Variants in FAM133B observed in about 807,000 individuals in gnomAD.
FAM133B encodes protein FAM133B.
FAM133B carries 25 observed loss-of-function variants against 46.4 expected under a neutral mutation model. The observed-to-expected ratio is 0.54, with a 90% CI of 0.39 to 0.75. The LOEUF (loss-of-function observed/expected upper bound fraction) is 0.75. FAM133B is among the 30% of genes least tolerant of loss of function. The pLI, the probability that FAM133B is intolerant of heterozygous loss-of-function variation, is 0.00. For missense variants in FAM133B, 205 were observed against 277.6 expected, an observed-to-expected ratio of 0.74 and a Z score of 1.86; for synonymous variants, 75 against 86.0, an observed-to-expected ratio of 0.87 and a Z score of 0.71.
chr7:92,579,905 C>A (rs1794816650), intron 2 of FAM133B, among the ~76,000 whole-genome samples: 1 of 152,216 alleles, frequency 6.6e-6, no homozygotes, highest in Non-Finnish European at 1.5e-5. Context: ...GCTCGCCTGA[C>A]TGCTTAATCT....
At chr7:92,582,044 T>C (rs2116415191) in intron 1 of FAM133B, among the ~76,000 whole-genome samples, 1 of 152,176 alleles carries the variant, frequency 6.6e-6, no homozygotes, top group South Asian at 2.1e-4. Context: ...AAGTCAGGAA[T>C]TCAAGACCAG....
intron 3 of FAM133B, 36 bp from the exon 4 acceptor site, chr7:92,578,429 T>C (rs1371776066): frequency 1.9e-6 from 3 of 1,572,886 alleles, no homozygotes; most frequent in Admixed American, 1.7e-5. Flanking sequence ...AGAGACTATC[T>C]AACCTTTCCA....
Position 92,562,188 on chromosome 7 carries a change from T to G in FAM133B, c.*94A>C. 27 of 1,403,678 alleles carry G rather than the reference T, an allele frequency of 1.9e-5. No individual in the cohort carries two copies. Among genetic ancestry groups the G allele is most frequent in the Non-Finnish European group, 2.5e-5 (27 of 1,059,552 alleles). 87.0% of individuals were successfully genotyped at this position (1,403,678 alleles called of 1,614,324 possible). A position where few individuals can be genotyped will look rare whatever the true frequency, so the allele number is the denominator to read the frequency against. ...GGAATAATTCCAAAAACAAGAAAAT[T>G]CATGCATTTTAGTAAATATGTTGTA... On this transcript the variant is annotated 3_prime_UTR_variant, in exon 11 of 11. Transcript: ENST00000445716.
rs1308752891 is a variant in FAM133B, at chr7:92,590,272, C to T, written c.20G>A (p.Arg7Gln). The T allele has an allele frequency of 6.2e-7, 1 of 1,613,632 alleles. No homozygotes were observed. The highest frequency in any genetic ancestry group is 8.5e-7 in the Non-Finnish European group (1 of 1,179,716). ...TTTTCCCGGCTGAGTACTCACCACC[C>T]GATTGTCCCGCTTCCCCATGGTGCT... is the stretch of plus-strand genomic sequence containing the variant. MGKRDN[R>Q]VAYMNPIAMA... The change falls in exon 1 of 11, where the codon CGG (arginine) becomes CAG (glutamine). Residue 7 changes from arginine to glutamine, a missense_variant. Transcript: ENST00000445716.
intron 1 of FAM133B, among the ~76,000 whole-genome samples, chr7:92,585,138 C>G (rs1190787786): frequency 4.3e-4 from 65 of 152,172 alleles, no homozygotes; most frequent in Admixed American, 4.3e-3. Context: ...AACCCTCAAC[C>G]AATCCCAAAC....
intron 1 of FAM133B, chr7:92,590,012 G>A (rs1438166149): frequency 3.4e-6 from 2 of 581,876 alleles, no homozygotes; most frequent in East Asian, 3.0e-5. Flanking sequence ...AGGCAAGAGT[G>A]CAAACCAGCA....
intron 8 of FAM133B, among the ~76,000 whole-genome samples, chr7:92,570,297 T>C (rs1170781323): frequency 6.6e-6 from 1 of 152,148 alleles, no homozygotes; most frequent in Non-Finnish European, 1.5e-5. Context: ...AATGGGTGAT[T>C]ATTTGCAGTG....
At chr7:92,589,950 G>GGA (rs988343263) in intron 1 of FAM133B, 1 of 457,306 alleles carries the variant, frequency 2.2e-6, no homozygotes, top group African/African-American at 2.0e-5. Flanking sequence ...GTGTGGGGGG[G>GGA]GTTCCCCGAG....
intron 1 of FAM133B, among the ~76,000 whole-genome samples, chr7:92,584,190 G>A (rs773698224): frequency 2.0e-5 from 3 of 151,928 alleles, no homozygotes; most frequent in Non-Finnish European, 4.4e-5. Flanking sequence ...AGGACAACAG[G>A]TGTGAGCCAC....
chr7:92,575,259 T>C (rs1794660073), intron 8 of FAM133B, among the ~76,000 whole-genome samples: 1 of 152,200 alleles, frequency 6.6e-6, no homozygotes, highest in Non-Finnish European at 1.5e-5. Context: ...GCGCATCACC[T>C]GAGGTCAGGG....
intron 8 of FAM133B, among the ~76,000 whole-genome samples, chr7:92,575,214 A>G (rs966050725): frequency 1.3e-5 from 2 of 152,168 alleles, no homozygotes; most frequent in Non-Finnish European, 2.9e-5. Flanking sequence ...TAAGAAATCA[A>G]AGGAAATAGG....
chr7:92,565,149 CTTTTTTTTTT>C (rs72450473), intron 10 of FAM133B, among the ~76,000 whole-genome samples: 2 of 130,466 alleles, frequency 1.5e-5, no homozygotes, highest in African/African-American at 5.6e-5. Flanking sequence ...GCTTATATTT[CTTTTTTTTTT>C]TTTTTTTTTA....
chr7:92,563,164 A>T (rs1794211685), intron 10 of FAM133B, among the ~76,000 whole-genome samples: 1 of 152,222 alleles, frequency 6.6e-6, no homozygotes, highest in African/African-American at 2.4e-5. Context: ...GCAAAAAAGA[A>T]GAGACCTATA....
chr7:92,575,207 G>A (rs1794658135), intron 8 of FAM133B, among the ~76,000 whole-genome samples: 1 of 152,188 alleles, frequency 6.6e-6, no homozygotes, highest in Non-Finnish European at 1.5e-5. Flanking sequence ...AATGGTTTAA[G>A]AAATCAAAGG....
chr7:92,576,129 T>C (rs1585307095), intron 7 of FAM133B, among the ~76,000 whole-genome samples: 1 of 152,236 alleles, frequency 6.6e-6, no homozygotes, highest in Admixed American at 6.5e-5. Flanking sequence ...GGTGGTCACA[T>C]GTACTGGAGT....
chr7:92,563,079 A>G (rs1794208801), intron 10 of FAM133B, among the ~76,000 whole-genome samples: 1 of 152,242 alleles, frequency 6.6e-6, no homozygotes, highest in Non-Finnish European at 1.5e-5. Context: ...TTTTAGAAAC[A>G]CAGATACTTG....
chr7:92,566,264 A>C (rs77651911), intron 9 of FAM133B, among the ~76,000 whole-genome samples: 9,718 of 152,260 alleles, frequency 0.064, 394 homozygotes, highest in Non-Finnish European at 0.087. Context: ...TAAGACGTAA[A>C]ATCTCTAGAC....
At chr7:92,563,782 G>C (rs902180211) in intron 10 of FAM133B, among the ~76,000 whole-genome samples, 10 of 152,132 alleles carry the variant, frequency 6.6e-5, no homozygotes, top group African/African-American at 2.2e-4. Context: ...TTAGGTCAAA[G>C]AATCTAAGCT....
In FAM133B at chr7:92,581,615, A is replaced by G. The variant is rs777296574; in HGVS notation, c.25-12T>C. On this transcript the variant is annotated splice_polypyrimidine_tract_variant and intron_variant, in intron 1 of 10. Coordinates refer to ENST00000445716, the MANE Select transcript of FAM133B (RefSeq NM_152789.4). Reference sequence around the variant, plus strand: ...GGGTTCATATAGGCCTTGGGGAAAGAACAACAATTAATCCATTAAAGCAAT... The same window carrying G: ...GGGTTCATATAGGCCTTGGGGAAAGGACAACAATTAATCCATTAAAGCAAT... 32 of 1,601,514 alleles carry G rather than the reference A, an allele frequency of 2.0e-5. No homozygotes were observed. Among genetic ancestry groups the G allele is most frequent in the Non-Finnish European group, 2.7e-5 (32 of 1,169,102 alleles).
Sources: allele counts gnomAD v4.1 joint callset (sites outside exome capture counted in the v4.1 genomes callset), GRCh38; gene constraint gnomAD v4.1.1; transcripts MANE v1.5; gene names NCBI Gene and HGNC (gene_info 2026-07-23, HGNC 2026-07-21).